Variants in SLIT3 observed in about 807,000 individuals in gnomAD.
The protein encoded by SLIT3 is slit guidance ligand 3, also known as slit homolog 3 protein.
SLIT3 carries 68 observed loss-of-function variants against 184.0 expected under a neutral mutation model. The observed-to-expected ratio is 0.37, with a 90% CI of 0.30 to 0.45. The LOEUF (loss-of-function observed/expected upper bound fraction) is 0.45, where lower values mean the gene tolerates loss of function less well. Among genes scored for constraint, SLIT3 ranks in the 20% least tolerant of loss-of-function variants. SLIT3 has a pLI of 1.00. For missense variants in SLIT3, 1,707 were observed against 2,026.0 expected (o/e 0.84, Z 3.02); for synonymous variants, 831 against 828.6 (o/e 1.00, Z -0.05).
intron 4 of SLIT3, among the ~76,000 whole-genome samples, chr5:169,118,356 C>T (rs1451946989): frequency 1.3e-5 from 2 of 152,152 alleles, no homozygotes; most frequent in Non-Finnish European, 2.9e-5. Flanking sequence ...TAAGACCATG[C>T]ATTGGTTGGT....
intron 29 of SLIT3, among the ~76,000 whole-genome samples, chr5:168,689,460 A>G (rs929399485): frequency 3.3e-5 from 5 of 152,224 alleles, no homozygotes; most frequent in Non-Finnish European, 7.3e-5. Context: ...GCCCAGACTG[A>G]TTCACAGCCC....
At chr5:168,721,041 C>A (rs1762927863) in intron 23 of SLIT3, among the ~76,000 whole-genome samples, 1 of 152,186 alleles carries the variant, frequency 6.6e-6, no homozygotes, top group Non-Finnish European at 1.5e-5. Flanking sequence ...ATGGGCAGAA[C>A]TGTCTTGGTC....
intron 4 of SLIT3, among the ~76,000 whole-genome samples, chr5:168,883,756 T>G (rs912579486): frequency 6.7e-6 from 1 of 150,278 alleles, no homozygotes; most frequent in African/African-American, 2.4e-5. Flanking sequence ...CTCAGTGCTG[T>G]CCTCTGCTGC....
At chr5:168,795,435 G>A in intron 10 of SLIT3, 72 bp downstream of exon 10, 1 of 1,117,882 alleles carries the variant, frequency 8.9e-7, no homozygotes, top group Non-Finnish European at 1.4e-6. Flanking sequence ...TGGACAGGTT[G>A]CCCACTACAC....
intron 4 of SLIT3, among the ~76,000 whole-genome samples, chr5:168,914,285 T>A (rs1453690003): frequency 2.0e-5 from 3 of 152,202 alleles, no homozygotes; most frequent in Non-Finnish European, 4.4e-5. Flanking sequence ...TCTTATTTAT[T>A]TGGAGTAGTT....
chr5:168,850,626 T>C (rs1758634482), intron 5 of SLIT3, among the ~76,000 whole-genome samples: 1 of 152,260 alleles, frequency 6.6e-6, no homozygotes, highest in South Asian at 2.1e-4. Flanking sequence ...CTAGGTTAAT[T>C]AAGCTCTCTG....
chr5:169,044,913 A>C (rs1757576292), intron 4 of SLIT3, among the ~76,000 whole-genome samples: 1 of 152,168 alleles, frequency 6.6e-6, no homozygotes, highest in South Asian at 2.1e-4. Flanking sequence ...TTTGATCATC[A>C]ACAACAGTGT....
At chr5:168,771,988 T>C (rs367926438) in intron 14 of SLIT3, among the ~76,000 whole-genome samples, 11 of 152,104 alleles carry the variant, frequency 7.2e-5, no homozygotes, top group Middle Eastern at 3.4e-3. Flanking sequence ...GTTTGGTGAT[T>C]TTTTTTCCAG....
Position 169,096,738 on chromosome 5 carries a change from G to T in SLIT3, c.413+96741C>A, listed in dbSNP as rs137868964. 7.0e-3 allele frequency among the ~76,000 whole-genome samples: 1,069 copies of T among 152,278 alleles called. 3 individuals carry two copies. The highest frequency in any genetic ancestry group is 0.017 in the Middle Eastern group (5 of 294). On this transcript the variant is annotated intron_variant, in intron 4 of 35. Coordinates refer to ENST00000519560, the MANE Select transcript of SLIT3 (RefSeq NM_003062.4). ...AGATGTAGCCCATCGCTATGGGCATGATCTCATTTAGTCCATTCAACATTC... is the reference window on the plus strand; with the variant it reads ...AGATGTAGCCCATCGCTATGGGCATTATCTCATTTAGTCCATTCAACATTC...
At chr5:168,803,902 T>A (rs1205005585) in intron 9 of SLIT3, among the ~76,000 whole-genome samples, 1 of 149,460 alleles carries the variant, frequency 6.7e-6, no homozygotes, top group Non-Finnish European at 1.5e-5. Flanking sequence ...GGAAGGGAAG[T>A]GAAGGTTAAC....
At position 168,704,496 on chromosome 5, in the gene SLIT3, T is replaced by C. The variant is rs74929139; in HGVS notation, c.2844+3480A>G. 4.5e-3 allele frequency among the ~76,000 whole-genome samples: 686 copies of C among 152,308 alleles called. 17 individuals carry two copies. In the East Asian group the frequency reaches 0.065, roughly 14 times the overall value. On this transcript the variant is annotated intron_variant, in intron 26 of 35. Transcript: ENST00000519560. ...AGTGTAGAGACTTTGTTGCAAGAGA[T>C]AGCTGAGCTCTGGTTGTAGCTCATG... is the stretch of plus-strand genomic sequence containing the variant.
At chr5:169,259,161 C>T (rs560792388) in intron 1 of SLIT3, among the ~76,000 whole-genome samples, 1 of 152,318 alleles carries the variant, frequency 6.6e-6, no homozygotes, top group African/African-American at 2.4e-5. Flanking sequence ...CAACCTCCAC[C>T]TCCCAGGTTC....
chr5:168,837,961 C>T (rs1209702568), intron 6 of SLIT3, among the ~76,000 whole-genome samples: 1 of 152,142 alleles, frequency 6.6e-6, no homozygotes, highest in East Asian at 1.9e-4. Flanking sequence ...GGCTCTGTAC[C>T]TTTATGTCTG....
At chr5:168,945,680 A>G (rs1762453589) in intron 4 of SLIT3, among the ~76,000 whole-genome samples, 1 of 152,220 alleles carries the variant, frequency 6.6e-6, no homozygotes, top group South Asian at 2.1e-4. Flanking sequence ...CAAATATATC[A>G]ACACTGAGAG....
intron 4 of SLIT3, chr5:168,993,964 CAG>C (rs1266647993): frequency 2.0e-5 from 3 of 152,274 alleles, no homozygotes; most frequent in Non-Finnish European, 4.4e-5. Context: ...CTTCTAGAGT[CAG>C]TGGGAATTGC....
chr5:169,279,613 A>G (rs895092894), intron 1 of SLIT3, among the ~76,000 whole-genome samples: 2 of 152,238 alleles, frequency 1.3e-5, no homozygotes, highest in African/African-American at 2.4e-5. Flanking sequence ...TATTATGTAA[A>G]TAATAATTTA....
chr5:168,856,735 T>C (rs1183628805), intron 5 of SLIT3, among the ~76,000 whole-genome samples: 2 of 143,802 alleles, frequency 1.4e-5, no homozygotes, highest in Non-Finnish European at 2.9e-5. Context: ...GTAGATTGCA[T>C]TTGCATTTGC....
At chr5:169,240,220 G>A (rs1765348211) in intron 3 of SLIT3, among the ~76,000 whole-genome samples, 1 of 151,798 alleles carries the variant, frequency 6.6e-6, no homozygotes, top group Non-Finnish European at 1.5e-5. Context: ...TCTATTCTAT[G>A]TTGTTTAGAG....
intron 10 of SLIT3, chr5:168,792,278 T>C (rs889406193): frequency 6.6e-6 from 1 of 152,214 alleles, no homozygotes; most frequent in Non-Finnish European, 1.5e-5. Context: ...TTCTGGGCAC[T>C]GGGATGACTC....
Sources: allele counts gnomAD v4.1 joint callset (sites outside exome capture counted in the v4.1 genomes callset), GRCh38; gene constraint gnomAD v4.1.1; transcripts MANE v1.5; gene names NCBI Gene and HGNC (gene_info 2026-07-23, HGNC 2026-07-21).